NRXN3: variants seen among roughly 807,000 people sequenced by gnomAD.
The protein encoded by NRXN3 is neurexin III.
NRXN3 carries 32 observed loss-of-function variants against 137.6 expected under a neutral mutation model. That is an observed-to-expected ratio of 0.23 (90% CI 0.18 to 0.31). The LOEUF is 0.31. Ranked by LOEUF, NRXN3 falls within the 10% of genes least tolerant of loss-of-function variation. The pLI is 1.00. For missense variants in NRXN3, 1,574 were observed against 2,062.5 expected (o/e 0.76, Z 4.59); for synonymous variants, 798 against 784.5 (o/e 1.02, Z -0.29).
intron 15 of NRXN3, among the ~76,000 whole-genome samples, chr14:79,383,493 G>A (rs933946253): frequency 8.5e-5 from 13 of 152,208 alleles, no homozygotes; most frequent in African/African-American, 2.9e-4. Context: ...AACAAAATTG[G>A]CAACTATTTT....
chr14:79,607,222 A>G (rs924026164), intron 16 of NRXN3, among the ~76,000 whole-genome samples: 2 of 152,246 alleles, frequency 1.3e-5, no homozygotes, highest in African/African-American at 4.8e-5. Context: ...GCAGATTTGT[A>G]ATTTTCTAAT....
intron 6 of NRXN3, among the ~76,000 whole-genome samples, chr14:78,677,266 A>G (rs1360592202): frequency 6.6e-6 from 1 of 152,106 alleles, no homozygotes; most frequent in Non-Finnish European, 1.5e-5. Context: ...ATTAATGAGG[A>G]AAGGTCAAAA....
At chr14:78,197,499 G>A (rs544039875) in intron 1 of NRXN3, among the ~76,000 whole-genome samples, 4 of 152,302 alleles carry the variant, frequency 2.6e-5, no homozygotes, top group South Asian at 2.1e-4. Flanking sequence ...TTAGGCAACC[G>A]GCAGGCTGGG....
intron 4 of NRXN3, among the ~76,000 whole-genome samples, chr14:78,561,785 C>A (rs2096788658): frequency 6.6e-6 from 1 of 152,154 alleles, no homozygotes; most frequent in Non-Finnish European, 1.5e-5. Context: ...GCCAGAAGAC[C>A]TGTTGGTTTT....
chr14:78,926,690 A>T (rs1355380688), intron 10 of NRXN3, among the ~76,000 whole-genome samples: 1 of 95,498 alleles, frequency 1.0e-5, no homozygotes, highest in Admixed American at 1.9e-4. Context: ...ATTATGTAAT[A>T]TATATAAAAT....
intron 10 of NRXN3, among the ~76,000 whole-genome samples, chr14:78,926,923 ATATAATATATT>A (rs2099304075): frequency 1.4e-4 from 5 of 34,680 alleles, no homozygotes; most frequent in Non-Finnish European, 2.0e-4. Context: ...TATATATAAT[ATATAATATATT>A]TATATATATA....
intron 4 of NRXN3, among the ~76,000 whole-genome samples, chr14:78,344,899 C>A (rs575540217): frequency 6.6e-6 from 1 of 152,298 alleles, no homozygotes; most frequent in East Asian, 1.9e-4. Context: ...CAATTGTTTC[C>A]TAGGCCTTTG....
intron 4 of NRXN3, among the ~76,000 whole-genome samples, chr14:78,348,366 A>C (rs1485660663): frequency 1.3e-5 from 2 of 152,210 alleles, no homozygotes; most frequent in African/African-American, 4.8e-5. Context: ...GTTGACACTG[A>C]ATAAGTCTGT....
At chr14:78,724,548 G>A (rs942019807) in intron 8 of NRXN3, among the ~76,000 whole-genome samples, 3 of 152,116 alleles carry the variant, frequency 2.0e-5, no homozygotes, top group Non-Finnish European at 4.4e-5. Flanking sequence ...CAATAGAATA[G>A]AATAGAATGT....
chr14:78,766,317 A>G (rs1055986973), intron 8 of NRXN3, among the ~76,000 whole-genome samples: 3 of 152,218 alleles, frequency 2.0e-5, no homozygotes, highest in Non-Finnish European at 4.4e-5. Context: ...TTATGCTTCT[A>G]TAAATTTGTT....
At chr14:78,910,275 A>G (rs199759422) in intron 10 of NRXN3, among the ~76,000 whole-genome samples, 3 of 152,122 alleles carry the variant, frequency 2.0e-5, no homozygotes, top group South Asian at 2.1e-4. Flanking sequence ...CTCACTGGCA[A>G]TGTAGCTTTG....
intron 15 of NRXN3, among the ~76,000 whole-genome samples, chr14:79,248,231 G>A (rs185005996): frequency 6.6e-6 from 1 of 152,210 alleles, no homozygotes; most frequent in African/African-American, 2.4e-5. Context: ...TGATTTTCCA[G>A]GCCCTTCTTC....
chr14:78,391,523 A>G (rs993177519), intron 4 of NRXN3, among the ~76,000 whole-genome samples: 1 of 151,886 alleles, frequency 6.6e-6, no homozygotes, highest in Non-Finnish European at 1.5e-5. Context: ...TTTTTATGAC[A>G]GTTTTGGAAC....
chr14:79,525,231 T>G lies in NRXN3; in HGVS notation c.3444+57829T>G, dbSNP rs1279405010. On this transcript the variant is annotated intron_variant, in intron 16 of 20. Coordinates refer to ENST00000335750, the MANE Select transcript of NRXN3 (RefSeq NM_001330195.2). Reference sequence around the variant, plus strand: ...CTGAGGCCTTCATTTTGGGGTATTGTTTACTGAGCCCCAACACCACCTCGA... The same window carrying G: ...CTGAGGCCTTCATTTTGGGGTATTGGTTACTGAGCCCCAACACCACCTCGA... Among the ~76,000 whole-genome samples, 6 of 152,282 alleles carry G rather than the reference T, an allele frequency of 3.9e-5. No individual in the cohort carries two copies. In the East Asian group the frequency reaches 5.8e-4, roughly 15 times the overall value.
chr14:79,724,575 C>T (rs1269401854), intron 19 of NRXN3, among the ~76,000 whole-genome samples: 2 of 152,132 alleles, frequency 1.3e-5, no homozygotes, highest in Admixed American at 1.3e-4. Flanking sequence ...TTTTATAATG[C>T]ACATGAACTC....
chr14:79,267,767 C>A (rs969743220), intron 15 of NRXN3, among the ~76,000 whole-genome samples: 1 of 152,182 alleles, frequency 6.6e-6, no homozygotes, highest in African/African-American at 2.4e-5. Context: ...AGCTACCACA[C>A]CCAGCTGAGA....
At chr14:78,895,883 T>A (rs2152722823) in intron 10 of NRXN3, among the ~76,000 whole-genome samples, 1 of 151,926 alleles carries the variant, frequency 6.6e-6, no homozygotes, top group Admixed American at 6.6e-5. Flanking sequence ...CACACAACAT[T>A]TATTAAGTTG....
chr14:79,286,535 A>AATAT (rs111827205), intron 15 of NRXN3, among the ~76,000 whole-genome samples: 8,408 of 139,450 alleles, frequency 0.06, 310 homozygotes, highest in Admixed American at 0.11. Context: ...TTGAGAGAAT[A>AATAT]ATATATATAT....
At chr14:79,527,439 G>A (rs528732362) in intron 16 of NRXN3, among the ~76,000 whole-genome samples, 1 of 151,978 alleles carries the variant, frequency 6.6e-6, no homozygotes, top group East Asian at 1.9e-4. Context: ...TTAAGCAGAA[G>A]AAAAAGCATG....
Sources: gnomAD v4.1 joint callset for allele counts (sites outside exome capture counted in the v4.1 genomes callset) on GRCh38, gnomAD v4.1.1 for gene constraint, MANE v1.5 for transcripts, NCBI Gene and HGNC (gene_info 2026-07-23, HGNC 2026-07-21) for gene names.